Variants in MECOM observed in about 807,000 individuals in gnomAD.
The protein encoded by MECOM is MDS1 and EVI1 complex locus.
A neutral mutation model predicts 116.3 loss-of-function variants in MECOM; 13 were observed. The observed-to-expected ratio is 0.11, with a 90% CI of 0.07 to 0.18. The LOEUF (loss-of-function observed/expected upper bound fraction) is 0.18, where lower values mean the gene tolerates loss of function less well. MECOM is among the 10% of genes least tolerant of loss of function. The probability of loss-of-function intolerance (pLI) is 1.00; values close to 1 mark genes in which losing one functional copy is unlikely to be tolerated. For missense variants in MECOM, 1,299 were observed against 1,509.0 expected, an observed-to-expected ratio of 0.86 and a Z score of 2.31; for synonymous variants, 528 against 535.2, an observed-to-expected ratio of 0.99 and a Z score of 0.19.
intron 1 of MECOM, among the ~76,000 whole-genome samples, chr3:169,416,435 A>T (rs1738604332): frequency 6.6e-6 from 1 of 152,188 alleles, no homozygotes; most frequent in African/African-American, 2.4e-5. Context: ...AAAGATCTAA[A>T]ATTGACACCC....
chr3:169,311,340 A>G (rs760560594), intron 2 of MECOM, among the ~76,000 whole-genome samples: 4 of 152,250 alleles, frequency 2.6e-5, no homozygotes, highest in Non-Finnish European at 5.9e-5. Flanking sequence ...ATAGCCAACT[A>G]CAATAATACT....
intron 2 of MECOM, among the ~76,000 whole-genome samples, chr3:169,194,738 G>T (rs1309680690): frequency 6.6e-6 from 1 of 152,050 alleles, no homozygotes; most frequent in African/African-American, 2.4e-5. Context: ...GCCAGAATTT[G>T]CCACTCCAAG....
chr3:169,517,971 T>C (rs1449926138), intron 1 of MECOM, among the ~76,000 whole-genome samples: 3 of 152,190 alleles, frequency 2.0e-5, no homozygotes, highest in Non-Finnish European at 4.4e-5. Context: ...AAGAAAACAG[T>C]TGACAGGGCC....
At chr3:169,541,692 C>A (rs763074776) in intron 1 of MECOM, among the ~76,000 whole-genome samples, 1 of 152,202 alleles carries the variant, frequency 6.6e-6, no homozygotes, top group South Asian at 2.1e-4. Flanking sequence ...CCTTTTCAAG[C>A]CGTCCTACCT....
chr3:169,492,962 A>C (rs556419540), intron 1 of MECOM, among the ~76,000 whole-genome samples: 1 of 152,332 alleles, frequency 6.6e-6, no homozygotes, highest in East Asian at 1.9e-4. Context: ...TCCATTTTAA[A>C]AAATAGTAAT....
At chr3:169,580,197 G>A (rs933641275) in intron 1 of MECOM, among the ~76,000 whole-genome samples, 6 of 152,126 alleles carry the variant, frequency 3.9e-5, no homozygotes, top group Admixed American at 3.3e-4. Context: ...TGGTGGCGTC[G>A]AACAATGCTT....
intron 2 of MECOM, among the ~76,000 whole-genome samples, chr3:169,231,767 A>T (rs1753432604): frequency 6.7e-6 from 1 of 148,596 alleles, no homozygotes; most frequent in Non-Finnish European, 1.5e-5. Context: ...ACATGGTCCC[A>T]TGACCAGAAA....
At chr3:169,298,440 T>C (rs1716058525) in intron 2 of MECOM, among the ~76,000 whole-genome samples, 1 of 151,778 alleles carries the variant, frequency 6.6e-6, no homozygotes, top group African/African-American at 2.4e-5. Context: ...ATTTCATATA[T>C]AATATAATAT....
chr3:169,610,836 C>T (rs1769174380), intron 1 of MECOM, among the ~76,000 whole-genome samples: 2 of 152,110 alleles, frequency 1.3e-5, no homozygotes, highest in African/African-American at 4.8e-5. Flanking sequence ...TCACAATATC[C>T]CCAGCCTCTA....
chr3:169,657,822 C>T (rs754098442), intron 1 of MECOM, among the ~76,000 whole-genome samples: 3 of 152,228 alleles, frequency 2.0e-5, no homozygotes, highest in Non-Finnish European at 2.9e-5. Flanking sequence ...AGAGACATCT[C>T]TGAAGTTTCT....
intron 1 of MECOM, among the ~76,000 whole-genome samples, chr3:169,651,569 C>T (rs1577292504): frequency 1.3e-5 from 2 of 151,938 alleles, no homozygotes; most frequent in Non-Finnish European, 2.9e-5. Flanking sequence ...TTGATGTTCT[C>T]GCTGATATAT....
At chr3:169,385,511 A>C (rs1045795040) in intron 1 of MECOM, among the ~76,000 whole-genome samples, 2 of 152,146 alleles carry the variant, frequency 1.3e-5, no homozygotes, top group Non-Finnish European at 2.9e-5. Flanking sequence ...GTGATGACAA[A>C]AGCGAAAATA....
chr3:169,236,272 G>A (rs1036153007), intron 2 of MECOM, among the ~76,000 whole-genome samples: 4 of 152,164 alleles, frequency 2.6e-5, no homozygotes, highest in Admixed American at 6.5e-5. Context: ...AAGTGGAGAA[G>A]CATCTGTACT....
intron 2 of MECOM, among the ~76,000 whole-genome samples, chr3:169,155,981 G>A (rs1033554189): frequency 6.6e-6 from 1 of 152,122 alleles, no homozygotes; most frequent in Non-Finnish European, 1.5e-5. Flanking sequence ...TCACTAATTA[G>A]TCATTATTCT....
chr3:169,526,019 A>T (rs1757928822), intron 1 of MECOM, among the ~76,000 whole-genome samples: 1 of 136,878 alleles, frequency 7.3e-6, no homozygotes, highest in African/African-American at 3.0e-5. Context: ...AAGAGCGAAA[A>T]CCCCATCTTG....
In MECOM at chr3:169,623,700, C is replaced by A. The variant is rs568066838; in HGVS notation, c.37+39636G>T. Among the ~76,000 whole-genome samples the A allele has an allele frequency of 6.6e-4, 101 of 152,048 alleles. No individual in the cohort carries two copies. In the Middle Eastern group the frequency reaches 0.024, roughly 36 times the overall value. On this transcript the variant is annotated intron_variant, in intron 1 of 16. Coordinates refer to ENST00000651503, the MANE Select transcript of MECOM (RefSeq NM_004991.4). The stretch of plus-strand genomic sequence containing the variant: ...TTATAAGTTCATAAAGTTTAATTCT[C>A]CTCTACTGACCCTACTTGGCCCTTA...
intron 1 of MECOM, among the ~76,000 whole-genome samples, chr3:169,501,427 T>C (rs1754508533): frequency 6.6e-6 from 1 of 152,046 alleles, no homozygotes; most frequent in Non-Finnish European, 1.5e-5. Flanking sequence ...ATAATGATGT[T>C]CTACTTCTAC....
intron 1 of MECOM, among the ~76,000 whole-genome samples, chr3:169,414,148 T>C (rs1295621069): frequency 1.3e-5 from 2 of 152,092 alleles, no homozygotes; most frequent in Admixed American, 1.3e-4. Context: ...CTCCGGCTGG[T>C]ATATGGTGGG....
intron 2 of MECOM, among the ~76,000 whole-genome samples, chr3:169,336,492 A>G (rs1723610237): frequency 6.6e-6 from 1 of 152,062 alleles, no homozygotes; most frequent in Non-Finnish European, 1.5e-5. Flanking sequence ...AACTCAATAT[A>G]ATTCACTTAT....
Sources: gnomAD v4.1 joint callset for allele counts (sites outside exome capture counted in the v4.1 genomes callset) on GRCh38, gnomAD v4.1.1 for gene constraint, MANE v1.5 for transcripts, NCBI Gene and HGNC (gene_info 2026-07-23, HGNC 2026-07-21) for gene names.